C8orf89: variants seen among roughly 807,000 people sequenced by gnomAD.
The protein encoded by C8orf89 is putative uncharacterized protein C8orf89.
A neutral mutation model predicts 15.8 loss-of-function variants in C8orf89; 14 were observed. The ratio of observed to expected loss-of-function variants is 0.89; its 90% CI spans 0.59 to 1.39. The LOEUF is 1.39. Among genes scored for constraint, C8orf89 ranks in the 40% most tolerant of loss-of-function variants. The pLI is 0.00. For synonymous variants in C8orf89, 55 were observed against 62.2 expected, an observed-to-expected ratio of 0.88 and a Z score of 0.54; for missense variants, 181 against 184.5, an observed-to-expected ratio of 0.98 and a Z score of 0.11.
At chr8:73,259,705 A>C (rs911599956), upstream of C8orf89, among the ~76,000 whole-genome samples, 2 of 152,336 alleles carry the variant, frequency 1.3e-5, no homozygotes, top group Middle Eastern at 3.4e-3. Context: ...GGATTCTCTC[A>C]AAAACATTAT....
chr8:73,254,751 T>C (rs1445467814), intron 2 of C8orf89, among the ~76,000 whole-genome samples: 1 of 152,102 alleles, frequency 6.6e-6, no homozygotes, highest in African/African-American at 2.4e-5. Context: ...TGAAGCATGG[T>C]ACTGGTACCA....
the C8orf89 span, among the ~76,000 whole-genome samples, chr8:73,279,317 T>G: frequency 8.5e-5 from 13 of 152,202 alleles, no homozygotes; most frequent in African/African-American, 3.1e-4. Flanking sequence ...TTCATTGATC[T>G]TTGCCTGGCC....
chr8:73,276,804 C>CTTTTT, the C8orf89 span, among the ~76,000 whole-genome samples: 10 of 71,344 alleles, frequency 1.4e-4, no homozygotes, highest in African/African-American at 3.8e-4. Flanking sequence ...GCACAGCAGT[C>CTTTTT]ATTTTTTTTT....
At chr8:73,252,420 G>A (rs946060936) in intron 2 of C8orf89, among the ~76,000 whole-genome samples, 1 of 151,988 alleles carries the variant, frequency 6.6e-6, no homozygotes, top group African/African-American at 2.4e-5. Context: ...AAATCACAAC[G>A]AAAATGATAT....
intron 3 of C8orf89, among the ~76,000 whole-genome samples, chr8:73,247,889 T>C (rs1377982442): frequency 6.6e-6 from 1 of 152,196 alleles, no homozygotes; most frequent in Non-Finnish European, 1.5e-5. Flanking sequence ...ATTCTGTAGG[T>C]TGTCTGTTTA....
the C8orf89 span, among the ~76,000 whole-genome samples, chr8:73,281,893 G>C: frequency 0.6 from 91,970 of 152,044 alleles, 27,976 homozygotes; most frequent in South Asian, 0.76. Context: ...TTTCTCCATA[G>C]TTTCTCCTTG....
chr8:73,283,302 C>G, the C8orf89 span, among the ~76,000 whole-genome samples: 1 of 152,154 alleles, frequency 6.6e-6, no homozygotes, highest in Non-Finnish European at 1.5e-5. Flanking sequence ...AATACACAAT[C>G]CAATTTAATC....
Position 73,258,751 on chromosome 8 carries a change from C to A in C8orf89, c.127+581G>T, listed in dbSNP as rs371649554. 3.0e-4 allele frequency among the ~76,000 whole-genome samples: 46 copies of A among 151,884 alleles called. No homozygotes were observed. In the South Asian group the frequency reaches 8.9e-3, roughly 30 times the overall value. On this transcript the variant is annotated intron_variant, in intron 1 of 3. Transcript: ENST00000624510. Reference sequence around the variant, plus strand: ...CTCAGGTGATCCTTCTACCCTCAGCCTCCTGAGTAGCCGGGACCACAGGCG... The same window carrying A: ...CTCAGGTGATCCTTCTACCCTCAGCATCCTGAGTAGCCGGGACCACAGGCG...
the C8orf89 span, among the ~76,000 whole-genome samples, chr8:73,269,114 A>T: frequency 6.6e-6 from 1 of 152,214 alleles, no homozygotes; most frequent in East Asian, 1.9e-4. Context: ...GAATCTTTTT[A>T]GTGAAAAAAA....
At chr8:73,253,896 C>A (rs1211433699) in intron 2 of C8orf89, among the ~76,000 whole-genome samples, 3 of 150,282 alleles carry the variant, frequency 2.0e-5, no homozygotes, top group Non-Finnish European at 4.4e-5. Context: ...AATTTGACTT[C>A]CTCTTTTCCT....
At chr8:73,285,292 GAAGT>G in the C8orf89 span, among the ~76,000 whole-genome samples, 4 of 152,200 alleles carry the variant, frequency 2.6e-5, no homozygotes, top group African/African-American at 9.7e-5. Flanking sequence ...TTACTTACCA[GAAGT>G]AAGGGGTGCA....
chr8:73,272,408 C>T, the C8orf89 span, among the ~76,000 whole-genome samples: 1 of 151,952 alleles, frequency 6.6e-6, no homozygotes, highest in Non-Finnish European at 1.5e-5. Flanking sequence ...GTACCAAGCA[C>T]TATGACATGC....
At chr8:73,276,088 G>T in the C8orf89 span, among the ~76,000 whole-genome samples, 6 of 151,648 alleles carry the variant, frequency 4.0e-5, no homozygotes, top group Admixed American at 3.3e-4. Context: ...CCTGAGAAAG[G>T]GTTCATAGGA....
the C8orf89 span, among the ~76,000 whole-genome samples, chr8:73,280,742 T>TACACATATATATACACATATATATATAC: frequency 6.7e-6 from 1 of 150,052 alleles, no homozygotes; most frequent in Non-Finnish European, 1.5e-5. Context: ...CATATATATA[T>TACACATATATATACACATATATATATAC]ACACACACAC....
intron 3 of C8orf89, 137 bp from the exon 4 acceptor site, chr8:73,241,742 A>G: frequency 3.3e-6 from 2 of 600,750 alleles, no homozygotes; most frequent in Non-Finnish European, 5.0e-6. Flanking sequence ...CTACAGAGCT[A>G]TACTAACCCA....
chr8:73,284,495 G>GT, the C8orf89 span, among the ~76,000 whole-genome samples: 1 of 151,986 alleles, frequency 6.6e-6, no homozygotes, highest in Non-Finnish European at 1.5e-5. Flanking sequence ...TTACAGGCGT[G>GT]TGCCACCATG....
At chr8:73,254,480 A>C (rs1813322620) in intron 2 of C8orf89, among the ~76,000 whole-genome samples, 1 of 152,198 alleles carries the variant, frequency 6.6e-6, no homozygotes, top group Non-Finnish European at 1.5e-5. Flanking sequence ...TCTGTAAAAA[A>C]GGCATTCAGG....
the C8orf89 span, chr8:73,277,505 C>T: frequency 3.8e-6 from 3 of 790,696 alleles, no homozygotes; most frequent in Non-Finnish European, 6.6e-6. Flanking sequence ...ACGAAAACTT[C>T]CCTGAGGATG....
chr8:73,285,538 G>C, the C8orf89 span, among the ~76,000 whole-genome samples: 3 of 152,356 alleles, frequency 2.0e-5, no homozygotes, highest in Non-Finnish European at 2.9e-5. Context: ...ATCCAGCCCT[G>C]ACCTGGCAAG....
Sources: gnomAD v4.1 joint callset for allele counts (sites outside exome capture counted in the v4.1 genomes callset) on GRCh38, gnomAD v4.1.1 for gene constraint, MANE v1.5 for transcripts, NCBI Gene and HGNC (gene_info 2026-07-23, HGNC 2026-07-21) for gene names.